TTC13: variants seen among roughly 807,000 people sequenced by gnomAD.
The protein encoded by TTC13 is tetratricopeptide repeat protein 13.
A neutral mutation model predicts 120.0 loss-of-function variants in TTC13; 62 were observed. That is an observed-to-expected ratio of 0.52 (90% CI 0.42 to 0.64). The LOEUF (loss-of-function observed/expected upper bound fraction) is 0.64, where lower values mean the gene tolerates loss of function less well. Ranked by LOEUF, TTC13 falls within the 30% of genes least tolerant of loss-of-function variation. The pLI is 0.00. For synonymous variants in TTC13, 384 were observed against 393.5 expected (o/e 0.98, Z 0.28); for missense variants, 824 against 1,050.2 (o/e 0.78, Z 2.98).
At chr1:230,973,811 C>T (rs1280160144) in intron 1 of TTC13, among the ~76,000 whole-genome samples, 1 of 152,140 alleles carries the variant, frequency 6.6e-6, no homozygotes, top group African/African-American at 2.4e-5. Flanking sequence ...GGCGTGGTGG[C>T]TCACGCCTGT....
At chr1:230,970,097 G>A (rs985636331) in intron 1 of TTC13, among the ~76,000 whole-genome samples, 1 of 152,182 alleles carries the variant, frequency 6.6e-6, no homozygotes, top group African/African-American at 2.4e-5. Context: ...TAGCACAGCC[G>A]GGTCTTGCCA....
intron 3 of TTC13, among the ~76,000 whole-genome samples, chr1:230,957,324 T>C (rs1243790703): frequency 6.6e-6 from 1 of 152,116 alleles, no homozygotes; most frequent in Non-Finnish European, 1.5e-5. Flanking sequence ...CCTGTAATCC[T>C]ACCTACTCAG....
intron 17 of TTC13, among the ~76,000 whole-genome samples, chr1:230,919,253 A>C: frequency 1.3e-5 from 2 of 151,302 alleles, no homozygotes; most frequent in African/African-American, 2.4e-5. Context: ...AGAGAGCAAG[A>C]CCCTGTCTCA....
chr1:230,953,317 A>G (rs557817614), intron 4 of TTC13, among the ~76,000 whole-genome samples: 51 of 152,344 alleles, frequency 3.3e-4, no homozygotes, highest in African/African-American at 1.2e-3. Flanking sequence ...CTTATTTTTA[A>G]AGAGAAAACA....
rs1671223643 is a variant in TTC13, at chr1:230,908,985, A to G, written c.2345T>C (p.Met782Thr). Residue 782 changes from methionine to threonine, a missense_variant, in exon 21 of 23, where the codon ATG becomes ACG. This residue lies in a region of TTC13 where 226 missense variants were observed against 259.1 expected (regional missense o/e 0.87). Transcript: ENST00000366661. ...TCCTGCTACTTCTTTTCCACTTGCCATCAGTGCTCCCACGATGACCGAGTA... is the reference window on the plus strand; with the variant it reads ...TCCTGCTACTTCTTTTCCACTTGCCGTCAGTGCTCCCACGATGACCGAGTA... The part of the protein sequence containing the change: ...IAYSVIVGAL[M>T]ASGKEVAGKI... The G allele has an allele frequency of 6.8e-6, 11 of 1,614,152 alleles. No individual in the cohort carries two copies. The highest frequency in any genetic ancestry group is 9.3e-6 in the Non-Finnish European group (11 of 1,180,010).
chr1:230,973,930 A>C (rs1409583849), intron 1 of TTC13, among the ~76,000 whole-genome samples: 2 of 152,078 alleles, frequency 1.3e-5, no homozygotes, highest in Non-Finnish European at 2.9e-5. Flanking sequence ...ACAAAAAATT[A>C]GTCAGGCTTG....
At chr1:230,925,367 G>T in intron 13 of TTC13, 150 bp downstream of exon 13, 3 of 969,548 alleles carry the variant, frequency 3.1e-6, no homozygotes, top group South Asian at 1.7e-5. Flanking sequence ...TCAGAATTCA[G>T]TTTGAATGAT....
chr1:230,953,204 G>A (rs1291441106), intron 4 of TTC13, among the ~76,000 whole-genome samples: 1 of 152,096 alleles, frequency 6.6e-6, no homozygotes, highest in Non-Finnish European at 1.5e-5. Context: ...TGTTCCACAT[G>A]ACCACCCAAA....
At chr1:230,972,683 C>T (rs1035390876) in intron 1 of TTC13, among the ~76,000 whole-genome samples, 4 of 152,180 alleles carry the variant, frequency 2.6e-5, no homozygotes, top group African/African-American at 7.2e-5. Flanking sequence ...ACCATTTTTG[C>T]CTCCACCCAG....
chr1:230,918,635 A>T (rs1572187303), intron 17 of TTC13, among the ~76,000 whole-genome samples: 1 of 152,322 alleles, frequency 6.6e-6, no homozygotes, highest in East Asian at 1.9e-4. Context: ...GCACTGTGTT[A>T]GTGCATCAGA....
At chr1:230,913,840 G>A (rs1197132118) in intron 18 of TTC13, among the ~76,000 whole-genome samples, 1 of 152,204 alleles carries the variant, frequency 6.6e-6, no homozygotes, top group Admixed American at 6.5e-5. Flanking sequence ...AAGCATTCCA[G>A]TCGGACTAGC....
Position 230,940,362 on chromosome 1 carries a change from A to G in TTC13, c.789+78T>C, listed in dbSNP as rs1358134074. The G allele has an allele frequency of 4.3e-6, 4 of 927,698 alleles. No individual in the cohort carries two copies. In the Admixed American group the frequency reaches 7.9e-5, roughly 18 times the overall value. The allele number at this position is 927,698 out of a possible 1,614,324, so 57.5% of individuals were successfully genotyped here. ...TAAACAGTCAAAGCCCAAATCTATC[A>G]AAGAGTCACTTTCTGAGGTCAAGGG... On this transcript the variant is annotated intron_variant, in intron 7 of 22. Transcript: ENST00000366661. The surrounding 1 kb of genome is among the most constrained non-coding windows in gnomAD (Gnocchi z 4.1).
rs139639277 is a variant in TTC13 at position 230,953,830 on chromosome 1, G to A, written c.513+503C>T. 1.7e-4 allele frequency among the ~76,000 whole-genome samples: 26 copies of A among 152,290 alleles called. No homozygotes were observed. The East Asian group carries it at 3.3e-3, about 19-fold the overall frequency. On this transcript the variant is annotated intron_variant, in intron 4 of 22. Transcript: ENST00000366661. The stretch of plus-strand genomic sequence containing the variant: ...TAGACTTTAGTGCAGCCACCAATCA[G>A]TAAAGACCCAATACTTCACTGAGGA...
intron 11 of TTC13, 72 bp downstream of exon 11, chr1:230,931,224 TAA>T: frequency 1.3e-6 from 2 of 1,513,732 alleles, no homozygotes; most frequent in Non-Finnish European, 1.8e-6. Flanking sequence ...ATACGAAACA[TAA>T]AAGAGTCAAG....
At chr1:230,956,544 C>A (rs1349428417) in intron 3 of TTC13, 1 of 389,218 alleles carries the variant, frequency 2.6e-6, no homozygotes, top group South Asian at 1.9e-5. Flanking sequence ...ATTTATTATC[C>A]CATAATCAGT....
At chr1:230,957,683 T>G (rs901255162) in intron 3 of TTC13, among the ~76,000 whole-genome samples, 1 of 152,100 alleles carries the variant, frequency 6.6e-6, no homozygotes, top group Non-Finnish European at 1.5e-5. Flanking sequence ...ACACACCCAG[T>G]GCATATCTGA....
chr1:230,949,237 G>A (rs1468528873), intron 4 of TTC13, among the ~76,000 whole-genome samples: 1 of 126,536 alleles, frequency 7.9e-6, no homozygotes, highest in Non-Finnish European at 1.6e-5. Context: ...GAAGCAAGCA[G>A]GACAACATGG....
At chr1:230,951,756 AAAAAG>A (rs1197756598) in intron 4 of TTC13, among the ~76,000 whole-genome samples, 14 of 124,586 alleles carry the variant, frequency 1.1e-4, no homozygotes, top group East Asian at 1.1e-3. Flanking sequence ...AAAACAAACA[AAAAAG>A]AAAAGAGTAA....
chr1:230,908,338 C>T (rs1008039832), intron 22 of TTC13: 1 of 450,752 alleles, frequency 2.2e-6, no homozygotes, highest in Non-Finnish European at 4.4e-6. Context: ...CAGGCACACA[C>T]CACCATGCCC....
Sources: allele counts gnomAD v4.1 joint callset (sites outside exome capture counted in the v4.1 genomes callset), GRCh38; gene constraint gnomAD v4.1.1; regional missense constraint gnomAD v4.1.1; non-coding constraint Gnocchi (gnomAD v3.1); transcripts MANE v1.5; gene names NCBI Gene and HGNC (gene_info 2026-07-23, HGNC 2026-07-21).